Variants in FER1L6 observed in about 807,000 individuals in gnomAD.
FER1L6 encodes the protein fer-1-like protein 6.
A neutral mutation model predicts 219.2 loss-of-function variants in FER1L6; 177 were observed. The ratio of observed to expected loss-of-function variants is 0.81; its 90% CI spans 0.71 to 0.91. The LOEUF (loss-of-function observed/expected upper bound fraction) is 0.91, where lower values mean the gene tolerates loss of function less well. FER1L6 is among the 40% of genes least tolerant of loss of function. FER1L6 has a pLI of 0.00. For missense variants in FER1L6, 2,153 were observed against 2,259.9 expected, an observed-to-expected ratio of 0.95 and a Z score of 0.96; for synonymous variants, 768 against 824.3, an observed-to-expected ratio of 0.93 and a Z score of 1.17.
intron 8 of FER1L6, 126 bp from the exon 9 acceptor site, chr8:123,975,772 G>T: frequency 1.3e-6 from 1 of 757,764 alleles, no homozygotes; most frequent in South Asian, 2.2e-5. Context: ...TTTCAGCAAT[G>T]AATCTTACTC....
chr8:124,047,216 G>A (rs1381652255), intron 21 of FER1L6, among the ~76,000 whole-genome samples: 1 of 152,208 alleles, frequency 6.6e-6, no homozygotes, highest in Non-Finnish European at 1.5e-5. Context: ...TACCATTGTG[G>A]TTAGGAGCAC....
At chr8:123,998,754 G>A (rs1045000110) in intron 12 of FER1L6, among the ~76,000 whole-genome samples, 2 of 152,140 alleles carry the variant, frequency 1.3e-5, no homozygotes, top group Non-Finnish European at 2.9e-5. Flanking sequence ...TACTGCGGCT[G>A]AGCTGGCATC....
At chr8:124,007,280 C>G (rs1469850136) in intron 13 of FER1L6, among the ~76,000 whole-genome samples, 1 of 151,618 alleles carries the variant, frequency 6.6e-6, no homozygotes, top group African/African-American at 2.4e-5. Context: ...CTCTCTCTTT[C>G]TCTCTCTCCC....
At chr8:124,026,706 T>G (rs7002251) in intron 18 of FER1L6, among the ~76,000 whole-genome samples, 89,108 of 151,664 alleles carry the variant, frequency 0.59, 26,692 homozygotes, top group African/African-American at 0.67. Context: ...TTACTATAGA[T>G]GTGATTTTTT....
intron 17 of FER1L6, among the ~76,000 whole-genome samples, chr8:124,022,609 T>C (rs538025644): frequency 6.6e-6 from 1 of 152,342 alleles, no homozygotes; most frequent in South Asian, 2.1e-4. Flanking sequence ...GCAATCATAT[T>C]ATAGGTACAC....
intron 1 of FER1L6, among the ~76,000 whole-genome samples, chr8:123,913,905 A>G (rs1813112978): frequency 6.6e-6 from 1 of 152,134 alleles, no homozygotes; most frequent in Non-Finnish European, 1.5e-5. Context: ...TTCTTAATGA[A>G]CACACACTAA....
chr8:124,054,294 T>C (rs1419265362), intron 22 of FER1L6, among the ~76,000 whole-genome samples: 1 of 151,948 alleles, frequency 6.6e-6, no homozygotes, highest in African/African-American at 2.4e-5. Context: ...CAAAGTCTGG[T>C]TTTTTTTGGA....
At chr8:123,913,002 A>T (rs1401240979) in intron 1 of FER1L6, among the ~76,000 whole-genome samples, 1 of 152,182 alleles carries the variant, frequency 6.6e-6, no homozygotes, top group African/African-American at 2.4e-5. Context: ...TAACTGTCAT[A>T]ACTGAGGATG....
chr8:123,947,902 G>T (rs1586501000), intron 1 of FER1L6, among the ~76,000 whole-genome samples: 1 of 152,172 alleles, frequency 6.6e-6, no homozygotes, highest in South Asian at 2.1e-4. Context: ...AGAGATCAGA[G>T]AAGTCCCCTT....
In FER1L6 at chr8:123,881,386, C is replaced by T. The variant is rs925946986; in HGVS notation, c.-8+29201C>T. On this transcript the variant is annotated intron_variant, in intron 1 of 40. Transcript: ENST00000522917. Reference sequence around the variant, plus strand: ...CAATTCACCTATGGCAAATAATGGGCACATTTTCTCTTTGTTTTGATGTTC... The same window carrying T: ...CAATTCACCTATGGCAAATAATGGGTACATTTTCTCTTTGTTTTGATGTTC... Among the ~76,000 whole-genome samples, 4 of 152,128 alleles carry T rather than the reference C, an allele frequency of 2.6e-5. No homozygotes were observed. The East Asian group carries it at 7.7e-4, about 29-fold the overall frequency.
At chr8:124,088,308 GC>G (rs1486662398) in intron 33 of FER1L6, among the ~76,000 whole-genome samples, 1 of 152,064 alleles carries the variant, frequency 6.6e-6, no homozygotes, top group Non-Finnish European at 1.5e-5. Flanking sequence ...GGCCACCACT[GC>G]CCCAGTCCCA....
chr8:124,090,985 T>A (rs747410590), intron 33 of FER1L6, among the ~76,000 whole-genome samples: 157 of 152,052 alleles, frequency 1.0e-3, no homozygotes, highest in Non-Finnish European at 2.0e-3. Context: ...AGAAAGGAGA[T>A]TGGTGATTGC....
chr8:124,109,304 A>G (rs1416730968), intron 39 of FER1L6, among the ~76,000 whole-genome samples: 1 of 152,112 alleles, frequency 6.6e-6, no homozygotes, highest in Non-Finnish European at 1.5e-5. Context: ...GCTCCACCCT[A>G]ATCTTATTAT....
chr8:124,013,971 A>G (rs1160092558), intron 15 of FER1L6, among the ~76,000 whole-genome samples: 1 of 152,098 alleles, frequency 6.6e-6, no homozygotes, highest in Non-Finnish European at 1.5e-5. Flanking sequence ...AGTGAAATAT[A>G]CTATTCAGTG....
At position 124,092,169 on chromosome 8, in the gene FER1L6, C is replaced by A. The variant is rs530237865; in HGVS notation, c.4552+586C>A. ...AATAAACACAGAGTTTTGTGCCCAG[C>A]TTTTAAAATTTCCAATAGATTATAA... On this transcript the variant is annotated intron_variant, in intron 34 of 40. Coordinates refer to ENST00000522917, the MANE Select transcript of FER1L6 (RefSeq NM_001039112.2). 3.0e-3 allele frequency among the ~76,000 whole-genome samples: 451 copies of A among 152,180 alleles called. 2 individuals are homozygous for A. The highest frequency in any genetic ancestry group is 0.01 in the African/African-American group (428 of 41,514).
At chr8:124,049,505 T>G in intron 21 of FER1L6, 102 bp from the exon 22 acceptor site, 1 of 1,295,894 alleles carries the variant, frequency 7.7e-7, no homozygotes, top group Non-Finnish European at 1.1e-6. Flanking sequence ...TGGAAGCTGA[T>G]GGTTTTGTGG....
At chr8:123,965,479 C>G (rs1048553592) in intron 3 of FER1L6, among the ~76,000 whole-genome samples, 3 of 152,182 alleles carry the variant, frequency 2.0e-5, no homozygotes, top group Non-Finnish European at 4.4e-5. Flanking sequence ...TAAATGAAAT[C>G]CCCTGGAATG....
chr8:124,040,340 A>G (rs1000574925), intron 20 of FER1L6: 5 of 309,328 alleles, frequency 1.6e-5, no homozygotes, highest in African/African-American at 1.1e-4. Flanking sequence ...AGCACAGATC[A>G]ACCTGCAGGA....
intron 13 of FER1L6, among the ~76,000 whole-genome samples, chr8:124,009,942 A>AGCTGC (rs1817838962): frequency 1.3e-5 from 2 of 151,998 alleles, no homozygotes; most frequent in East Asian, 1.9e-4. Context: ...AGGGTCGTGG[A>AGCTGC]ACTGCAGACC....
Sources: gnomAD v4.1 joint callset for allele counts (sites outside exome capture counted in the v4.1 genomes callset) on GRCh38, gnomAD v4.1.1 for gene constraint, MANE v1.5 for transcripts, NCBI Gene and HGNC (gene_info 2026-07-23, HGNC 2026-07-21) for gene names.